RIMS2: variants seen among roughly 807,000 people sequenced by gnomAD.
The protein encoded by RIMS2 is regulating synaptic membrane exocytosis 2, also known as regulating synaptic membrane exocytosis protein 2.
In RIMS2, 59 loss-of-function variants were observed where a neutral mutation model predicts 174.4. The observed-to-expected ratio is 0.34, with a 90% CI of 0.27 to 0.42. RIMS2 has a LOEUF of 0.42. Among genes scored for constraint, RIMS2 ranks in the 10% least tolerant of loss-of-function variants. The pLI, the probability that RIMS2 is intolerant of heterozygous loss-of-function variation, is 1.00. For missense variants in RIMS2, 1,620 were observed against 1,666.3 expected (o/e 0.97, Z 0.48); for synonymous variants, 606 against 572.5 (o/e 1.06, Z -0.84).
chr8:104,220,776 T>C (rs559495466), intron 19 of RIMS2, among the ~76,000 whole-genome samples: 139 of 152,160 alleles, frequency 9.1e-4, no homozygotes, highest in African/African-American at 3.2e-3. Context: ...AAATTTTTAC[T>C]GTTAACTTTT....
At chr8:103,730,798 G>C (rs985717496) in intron 2 of RIMS2, among the ~76,000 whole-genome samples, 3 of 152,138 alleles carry the variant, frequency 2.0e-5, no homozygotes, top group Non-Finnish European at 4.4e-5. Flanking sequence ...GCTTTAGTTT[G>C]TCTGGGGAAG....
chr8:103,743,093 C>T (rs890558498), intron 2 of RIMS2, among the ~76,000 whole-genome samples: 9 of 152,126 alleles, frequency 5.9e-5, no homozygotes, highest in Admixed American at 3.9e-4. Context: ...TTGTTTTAGT[C>T]ATGGGTGTAT....
chr8:103,597,920 A>G (rs966765167), intron 1 of RIMS2, among the ~76,000 whole-genome samples: 3 of 152,174 alleles, frequency 2.0e-5, no homozygotes, highest in Non-Finnish European at 2.9e-5. Flanking sequence ...CCGATATTGC[A>G]CTTAAAAGTA....
At chr8:103,916,278 G>A (rs1418453979) in intron 7 of RIMS2, 136 bp from the exon 11 acceptor site, 1 of 524,980 alleles carries the variant, frequency 1.9e-6, no homozygotes, top group African/African-American at 1.9e-5. Flanking sequence ...CACTGGAACT[G>A]TTGTTCTCAG....
At chr8:103,556,562 T>C (rs1027476467) in intron 1 of RIMS2, among the ~76,000 whole-genome samples, 2 of 152,180 alleles carry the variant, frequency 1.3e-5, no homozygotes, top group African/African-American at 4.8e-5. Context: ...GGACTTCATC[T>C]AAGTCTTTTG....
intron 19 of RIMS2, chr8:104,068,522 T>C: frequency 6.7e-7 from 1 of 1,488,014 alleles, no homozygotes; most frequent in Non-Finnish European, 9.2e-7. Flanking sequence ...GTACTATGGA[T>C]ATAGAGGAGA....
chr8:103,572,348 G>A (rs1216180532), intron 1 of RIMS2, among the ~76,000 whole-genome samples: 1 of 151,958 alleles, frequency 6.6e-6, no homozygotes, highest in African/African-American at 2.4e-5. Flanking sequence ...CCCTGCGCAC[G>A]CCTTGCCGAT....
Position 103,683,685 on chromosome 8 carries a change from T to G in RIMS2, c.177-13401T>G, listed in dbSNP as rs149390161. Reference sequence around the variant, plus strand: ...AAGTTAGGAAGTGTATCAACAGTGTTGCAGTGGAAATGCACAGTATGGCAC... The same window carrying G: ...AAGTTAGGAAGTGTATCAACAGTGTGGCAGTGGAAATGCACAGTATGGCAC... On this transcript the variant is annotated intron_variant, in intron 1 of 23. Coordinates refer to ENST00000504942, the Ensembl canonical transcript of RIMS2. Among the ~76,000 whole-genome samples the G allele has an allele frequency of 7.2e-5, 11 of 152,312 alleles. No homozygotes were observed. In the East Asian group the frequency reaches 2.1e-3, roughly 29 times the overall value.
rs56779976 is a variant in RIMS2, at chr8:104,003,417, C to CTTT, written c.3045-10013_3045-10011dup. Among the ~76,000 whole-genome samples the CTTT allele has an allele frequency of 9.7e-4, 138 of 142,266 alleles. 1 individual carries two copies. The highest frequency in any genetic ancestry group is 6.5e-4 in the Non-Finnish European group (42 of 64,924). 93.3% of individuals were successfully genotyped at this position (142,266 alleles called of 152,430 possible). ...AGAGAGTGTTCCACTTGTGAAGAAT[C>CTTT]TTTTTTTTTTTTTTGCAATGGAGTC... On this transcript the variant is annotated intron_variant, in intron 17 of 23. Coordinates refer to ENST00000504942, the Ensembl canonical transcript of RIMS2.
intron 12 of RIMS2, among the ~76,000 whole-genome samples, chr8:103,933,009 T>G (rs958539159): frequency 4.7e-5 from 7 of 149,950 alleles, no homozygotes; most frequent in African/African-American, 1.7e-4. Context: ...ATACAAAAAA[T>G]TGGCCAGGCG....
exon 20 of RIMS2, chr8:104,245,008 A>AGCCGAG: frequency 6.2e-7 from 1 of 1,613,972 alleles, no homozygotes; most frequent in Non-Finnish European, 8.5e-7. Context: ...TCGACAGGCA[A>AGCCGAG]GCCGAGAGTC....
chr8:103,960,436 G>A (rs756700139), intron 14 of RIMS2, among the ~76,000 whole-genome samples: 16 of 152,158 alleles, frequency 1.1e-4, no homozygotes, highest in Admixed American at 4.6e-4. Context: ...CAATTTTGAT[G>A]TATTAGTATT....
chr8:103,652,828 T>C (rs1487349514), intron 1 of RIMS2, 118 bp downstream of exon 3: 4 of 516,574 alleles, frequency 7.7e-6, no homozygotes, highest in Non-Finnish European at 1.3e-5. Flanking sequence ...AATTGTTCGG[T>C]TAGGGTTTGA....
At chr8:103,922,925 G>C (rs892194208) in intron 10 of RIMS2, among the ~76,000 whole-genome samples, 2 of 151,862 alleles carry the variant, frequency 1.3e-5, no homozygotes, top group African/African-American at 2.4e-5. Context: ...GAAAAGTTAT[G>C]TAAGGAATAT....
intron 3 of RIMS2, among the ~76,000 whole-genome samples, chr8:103,771,641 T>A (rs968593357): frequency 6.6e-6 from 1 of 152,232 alleles, no homozygotes; most frequent in Middle Eastern, 3.4e-3. Flanking sequence ...TGTTTTCTCA[T>A]CTCTGGAATG....
intron 1 of RIMS2, chr8:103,652,701 A>G: frequency 1.5e-6 from 2 of 1,348,314 alleles, no homozygotes; most frequent in Non-Finnish European, 2.0e-6. Flanking sequence ...AATGAAAAGG[A>G]GCCCCAGACG....
At chr8:103,912,978 T>TG (rs1220877560) in intron 6 of RIMS2, among the ~76,000 whole-genome samples, 7 of 145,410 alleles carry the variant, frequency 4.8e-5, no homozygotes, top group African/African-American at 1.8e-4. Flanking sequence ...TTGTTTTTTT[T>TG]TTTTTTTTTT....
In RIMS2 at chr8:104,187,383, A is replaced by G. The variant is rs76512537; in HGVS notation, c.3335-57533A>G. On this transcript the variant is annotated intron_variant, in intron 19 of 23. Coordinates refer to ENST00000504942, the Ensembl canonical transcript of RIMS2. ...TATTTGAGAATAAATCTCAAGCAAC[A>G]TAGTGATGTGACAGGCAAGTAGTGT... is the stretch of plus-strand genomic sequence containing the variant. 5.9e-3 allele frequency among the ~76,000 whole-genome samples: 903 copies of G among 151,986 alleles called. 7 individuals carry two copies. The highest frequency in any genetic ancestry group is 0.02 in the African/African-American group (836 of 41,536).
rs189882029 is a variant in RIMS2 at position 103,954,609 on chromosome 8, A to G, written c.2702-6456A>G. Reference sequence around the variant, plus strand: ...CTGAGACACATTTAAAGCAGTGTGTAGAGGGAAATTTATAGCACTAAATGC... The same window carrying G: ...CTGAGACACATTTAAAGCAGTGTGTGGAGGGAAATTTATAGCACTAAATGC... On this transcript the variant is annotated intron_variant, in intron 14 of 23. Coordinates refer to ENST00000504942, the Ensembl canonical transcript of RIMS2. Among the ~76,000 whole-genome samples, 1,496 of 152,330 alleles carry G rather than the reference A, an allele frequency of 9.8e-3. 19 individuals carry two copies. The highest frequency in any genetic ancestry group is 0.046 in the South Asian group (223 of 4,824).
Sources: gnomAD v4.1 joint callset for allele counts (sites outside exome capture counted in the v4.1 genomes callset) on GRCh38, gnomAD v4.1.1 for gene constraint, MANE v1.5 for transcripts, NCBI Gene and HGNC (gene_info 2026-07-23, HGNC 2026-07-21) for gene names.